Variants in FN3K observed in about 807,000 individuals in gnomAD.
The protein encoded by FN3K is fructosamine-3-kinase.
In FN3K, 24 loss-of-function variants were observed where a neutral mutation model predicts 24.8. That is an observed-to-expected ratio of 0.97 (90% confidence interval 0.70 to 1.36). The LOEUF (loss-of-function observed/expected upper bound fraction) is 1.36, where lower values mean the gene tolerates loss of function less well. Among genes scored for constraint, FN3K ranks in the 40% most tolerant of loss-of-function variants. The pLI is 0.00. For missense variants in FN3K, 449 were observed against 416.7 expected (o/e 1.08, Z -0.67); for synonymous variants, 192 against 175.2 (o/e 1.10, Z -0.76).
intron 4 of FN3K, among the ~76,000 whole-genome samples, chr17:82,744,552 C>T: frequency 6.6e-6 from 1 of 152,156 alleles, no homozygotes; most frequent in East Asian, 1.9e-4. Context: ...GGTTGCCCCT[C>T]CACACCTGTG....
chr17:82,744,122 T>G (rs1027561089), intron 4 of FN3K, among the ~76,000 whole-genome samples: 1 of 152,072 alleles, frequency 6.6e-6, no homozygotes, highest in Non-Finnish European at 1.5e-5. Flanking sequence ...CTTTCCATCC[T>G]GCTCTTGAGG....
chr17:82,744,018 C>T (rs781527212), intron 4 of FN3K, among the ~76,000 whole-genome samples: 22 of 152,254 alleles, frequency 1.4e-4, no homozygotes, highest in African/African-American at 3.1e-4. Context: ...AGAGCTCAGA[C>T]GCTGGGAGCT....
At chr17:82,748,396 C>A (rs1426762688) in intron 4 of FN3K, among the ~76,000 whole-genome samples, 1 of 152,150 alleles carries the variant, frequency 6.6e-6, no homozygotes, top group Non-Finnish European at 1.5e-5. Context: ...ATCTGCCCAC[C>A]TCAGCCTCCC....
intron 4 of FN3K, among the ~76,000 whole-genome samples, chr17:82,741,910 CTTTTT>C (rs1568068725): frequency 6.6e-6 from 1 of 152,166 alleles, no homozygotes; most frequent in South Asian, 2.1e-4. Context: ...CTTTTCTTTT[CTTTTT>C]TATTTTTTTG....
In FN3K at chr17:82,746,454, A is replaced by T. The variant is rs539786033; in HGVS notation, c.469-2401A>T. ...TTAGGATATGAGTGTTTTACCAGATATATGATTTGCGAATAGTGTCTCCTA... is the reference window on the plus strand; with the variant it reads ...TTAGGATATGAGTGTTTTACCAGATTTATGATTTGCGAATAGTGTCTCCTA... On this transcript the variant is annotated intron_variant, in intron 4 of 5. Transcript: ENST00000300784. 3.9e-4 allele frequency among the ~76,000 whole-genome samples: 60 copies of T among 152,182 alleles called. 1 individual carries two copies. Among genetic ancestry groups the T allele is most frequent in the Admixed American group, 3.5e-3 (53 of 15,276 alleles).
Position 82,748,079 on chromosome 17 carries a change from A to G in FN3K, c.469-776A>G, listed in dbSNP as rs573098494. 1.5e-4 allele frequency among the ~76,000 whole-genome samples: 22 copies of G among 151,506 alleles called. No homozygotes were observed. The South Asian group carries it at 4.6e-3, about 32-fold the overall frequency. On this transcript the variant is annotated intron_variant, in intron 4 of 5. Transcript: ENST00000300784. Reference sequence around the variant, plus strand: ...AGTCGACTCCCTTTGTGAAATGACTATATTTGATTTTCTTTGCTTTGAAAT... The same window carrying G: ...AGTCGACTCCCTTTGTGAAATGACTGTATTTGATTTTCTTTGCTTTGAAAT...
At chr17:82,741,432 G>T in intron 4 of FN3K, 39 bp downstream of exon 4, 1 of 1,545,794 alleles carries the variant, frequency 6.5e-7, no homozygotes, top group Non-Finnish European at 8.9e-7. Context: ...ATGCCCTAAT[G>T]CTGGTCACCC....
At position 82,748,835 on chromosome 17, in the gene FN3K, T is replaced by G. The variant is rs2046983214; in HGVS notation, c.469-20T>G. 6.2e-7 allele frequency: 1 copy of G among 1,606,692 alleles called. No individual in the cohort carries two copies. Among genetic ancestry groups the G allele is most frequent in the African/African-American group, 1.4e-5 (1 of 72,290 alleles). The stretch of plus-strand genomic sequence containing the variant: ...TTGGCTCCGAATTGCAACAGTGGCC[T>G]CTTTTCCCTTGTTGTCCAGGTGAAT... On this transcript the variant is annotated intron_variant, in intron 4 of 5. Transcript: ENST00000300784.
intron 4 of FN3K, among the ~76,000 whole-genome samples, chr17:82,748,142 CT>C (rs145352692): frequency 3.4e-3 from 488 of 141,850 alleles, no homozygotes; most frequent in African/African-American, 9.6e-3. Flanking sequence ...CTCTAGCTTT[CT>C]TTTTTTTTTT....
In FN3K at chr17:82,750,636, C is replaced by G. The variant is rs763485150; in HGVS notation, c.811C>G (p.Pro271Ala). 1.2e-6 allele frequency: 2 copies of G among 1,614,078 alleles called. No homozygotes were observed. The highest frequency in any genetic ancestry group is 1.1e-5 in the South Asian group (1 of 91,080). Residue 271 changes from proline to alanine, a missense_variant, in exon 6 of 6, where the codon CCG (proline) becomes GCG (alanine). Coordinates refer to ENST00000300784, the MANE Select transcript of FN3K (RefSeq NM_022158.4). The stretch of plus-strand genomic sequence containing the variant: ...CTACCACCGGAAGATCCCCAAGGCT[C>G]CGGGCTTCGACCAGCGGCTGCTGCT... ...TAYHRKIPKA[P>A]GFDQRLLLYQ...
chr17:82,739,736 C>T (rs889768753), intron 2 of FN3K, among the ~76,000 whole-genome samples: 8 of 152,102 alleles, frequency 5.3e-5, no homozygotes, highest in Admixed American at 1.3e-4. Context: ...GGATTATAGG[C>T]GTGAGCCACC....
chr17:82,740,151 T>C (rs1273381107), intron 2 of FN3K, among the ~76,000 whole-genome samples: 1 of 152,188 alleles, frequency 6.6e-6, no homozygotes, highest in Non-Finnish European at 1.5e-5. Context: ...TCTGCCTGCC[T>C]TGGCTTCCCA....
At chr17:82,736,860 A>G (rs1422296886) in intron 1 of FN3K, among the ~76,000 whole-genome samples, 1 of 152,224 alleles carries the variant, frequency 6.6e-6, no homozygotes, top group Non-Finnish European at 1.5e-5. Context: ...CAGGCTTCCC[A>G]CGGGCTCTGG....
chr17:82,737,059 G>T (rs1262262056), intron 1 of FN3K, among the ~76,000 whole-genome samples: 1 of 152,176 alleles, frequency 6.6e-6, no homozygotes, highest in African/African-American at 2.4e-5. Flanking sequence ...TCGCCCTGGA[G>T]CAGGGCTGGG....
chr17:82,738,381 GTGAA>G, intron 1 of FN3K, 104 bp from the exon 2 acceptor site: 1 of 1,468,848 alleles, frequency 6.8e-7, no homozygotes, highest in Non-Finnish European at 9.4e-7. Flanking sequence ...CCAGCTATCA[GTGAA>G]TGAAGGTCCT....
At position 82,750,792 on chromosome 17, in the gene FN3K, T is replaced by TCC; in HGVS notation, c.*38_*39insCC. ...CTCCCTTCCCCTGTCCCCGTCCCCG[T>TCC]CTCCGTCTCCCCGTCCCTGTCCCCC... is the stretch of plus-strand genomic sequence containing the variant. On this transcript the variant is annotated 3_prime_UTR_variant, in exon 6 of 6. Transcript: ENST00000300784. 6.7e-7 allele frequency: 1 copy of TCC among 1,485,194 alleles called. No homozygotes were observed. Among genetic ancestry groups the TCC allele is most frequent in the Non-Finnish European group, 9.0e-7 (1 of 1,113,310 alleles). The allele number at this position is 1,485,194 out of a possible 1,614,324, so 92.0% of individuals were successfully genotyped here.
chr17:82,743,203 C>T (rs1186297576), intron 4 of FN3K, among the ~76,000 whole-genome samples: 2 of 152,208 alleles, frequency 1.3e-5, no homozygotes, highest in Non-Finnish European at 2.9e-5. Context: ...AAGTGGCGGG[C>T]TCTACAGGAC....
chr17:82,746,424 C>T (rs914312670), intron 4 of FN3K, among the ~76,000 whole-genome samples: 3 of 151,810 alleles, frequency 2.0e-5, no homozygotes, highest in South Asian at 2.1e-4. Flanking sequence ...GATTTCTTTG[C>T]GTATTTAGGA....
chr17:82,747,843 C>G (rs973037468), intron 4 of FN3K, among the ~76,000 whole-genome samples: 4 of 152,174 alleles, frequency 2.6e-5, no homozygotes, highest in African/African-American at 9.7e-5. Context: ...AATAATTCAC[C>G]CTTACGATTT....
Sources: allele counts gnomAD v4.1 joint callset (sites outside exome capture counted in the v4.1 genomes callset), GRCh38; gene constraint gnomAD v4.1.1; transcripts MANE v1.5; gene names NCBI Gene and HGNC (gene_info 2026-07-23, HGNC 2026-07-21).